The following TTC29 variants were observed in gnomAD, a reference collection of about 807,000 sequenced individuals.
TTC29 encodes the protein tetratricopeptide repeat domain 29.
In TTC29, 49 loss-of-function variants were observed where a neutral mutation model predicts 58.1. That is an observed-to-expected ratio of 0.84 (90% CI 0.67 to 1.07). The LOEUF is 1.07. Among genes scored for constraint, TTC29 ranks in the 50% least tolerant of loss-of-function variants. The pLI is 0.00. For synonymous variants in TTC29, 209 were observed against 196.8 expected (o/e 1.06, Z -0.52); for missense variants, 582 against 555.6 (o/e 1.05, Z -0.48).
intron 11 of TTC29, among the ~76,000 whole-genome samples, chr4:146,740,333 A>G (rs1371992757): frequency 1.3e-5 from 2 of 152,212 alleles, no homozygotes; most frequent in Non-Finnish European, 2.9e-5. Flanking sequence ...ATTGTAGCTC[A>G]AGGGTAACAA....
chr4:146,802,008 A>AAAAAAG (rs1561138307), intron 11 of TTC29, among the ~76,000 whole-genome samples: 2 of 143,340 alleles, frequency 1.4e-5, no homozygotes, highest in Admixed American at 7.0e-5. Flanking sequence ...AAAAAAAAAA[A>AAAAAAG]AGAGACTTTT....
At chr4:146,808,340 T>TAGGAC (rs1400215691) in intron 10 of TTC29, among the ~76,000 whole-genome samples, 1 of 152,190 alleles carries the variant, frequency 6.6e-6, no homozygotes, top group Non-Finnish European at 1.5e-5. Flanking sequence ...AAGAGAAGGA[T>TAGGAC]GTCCTCTCTC....
chr4:146,711,487 A>C (rs2149991192), intron 11 of TTC29, among the ~76,000 whole-genome samples: 1 of 152,284 alleles, frequency 6.6e-6, no homozygotes, highest in African/African-American at 2.4e-5. Flanking sequence ...CATTGTCAAA[A>C]AGTTGATCAC....
chr4:146,906,010 A>T lies in TTC29; in HGVS notation c.401-2281T>A, dbSNP rs569535587. Among the ~76,000 whole-genome samples, 31 of 152,296 alleles carry T rather than the reference A, an allele frequency of 2.0e-4. No individual in the cohort carries two copies. In the South Asian group the frequency reaches 2.9e-3, roughly 14 times the overall value. On this transcript the variant is annotated intron_variant, in intron 5 of 12. Transcript: ENST00000325106. The stretch of plus-strand genomic sequence containing the variant: ...AAAATTGCTGCTCAACCCTTAATAA[A>T]TTTAAAAGTCAAGTGTAAATAATGT...
intron 11 of TTC29, among the ~76,000 whole-genome samples, chr4:146,719,189 G>GGGGT (rs377566324): frequency 1.8e-3 from 257 of 144,182 alleles, no homozygotes; most frequent in African/African-American, 1.4e-3. Context: ...TGGCTATTGG[G>GGGGT]GTGTGTGTGT....
intron 11 of TTC29, among the ~76,000 whole-genome samples, chr4:146,731,830 T>C (rs762866045): frequency 1.3e-5 from 2 of 152,116 alleles, no homozygotes; most frequent in Non-Finnish European, 1.5e-5. Context: ...AAAGTTAAGG[T>C]TGGCATTCCT....
At chr4:146,801,820 C>CA (rs896111826) in intron 11 of TTC29, among the ~76,000 whole-genome samples, 12 of 150,508 alleles carry the variant, frequency 8.0e-5, no homozygotes, top group East Asian at 3.9e-4. Context: ...ACTAAAAATA[C>CA]AAAAAAAATT....
intron 11 of TTC29, among the ~76,000 whole-genome samples, chr4:146,714,612 A>AT (rs1007263282): frequency 3.9e-5 from 6 of 151,932 alleles, no homozygotes; most frequent in African/African-American, 1.4e-4. Flanking sequence ...AAAAAAAAAA[A>AT]CCTATAAAAT....
chr4:146,909,014 C>A lies in TTC29; in HGVS notation c.400+12G>T. 1 of 1,611,710 alleles carries A rather than the reference C, an allele frequency of 6.2e-7. No homozygotes were observed. The highest frequency in any genetic ancestry group is 8.5e-7 in the Non-Finnish European group (1 of 1,178,298). Reference sequence around the variant, plus strand: ...GCTCCTTCTGTGCTCTGCCCACAGTCCCACCACTTACCTTTCCTCTCAGCG... The same window carrying A: ...GCTCCTTCTGTGCTCTGCCCACAGTACCACCACTTACCTTTCCTCTCAGCG... On this transcript the variant is annotated intron_variant, in intron 5 of 12. Coordinates refer to ENST00000325106, the MANE Select transcript of TTC29 (RefSeq NM_031956.4).
chr4:146,803,370 G>T, intron 11 of TTC29, 87 bp downstream of exon 11: 1 of 960,364 alleles, frequency 1.0e-6, no homozygotes, highest in Non-Finnish European at 1.5e-6. Flanking sequence ...TAAAATCACC[G>T]ACATTTGAGT....
At chr4:146,882,962 G>T (rs1254174903) in intron 6 of TTC29, among the ~76,000 whole-genome samples, 1 of 151,970 alleles carries the variant, frequency 6.6e-6, no homozygotes, top group Non-Finnish European at 1.5e-5. Flanking sequence ...CTGTGTGTGT[G>T]CACATGTGTG....
chr4:146,890,044 A>G (rs1250273506), intron 6 of TTC29, among the ~76,000 whole-genome samples: 2 of 152,086 alleles, frequency 1.3e-5, no homozygotes, highest in Non-Finnish European at 2.9e-5. Flanking sequence ...CTGAAATAAC[A>G]TCTTTGGTTA....
At chr4:146,730,090 T>C (rs1744215990) in intron 11 of TTC29, among the ~76,000 whole-genome samples, 1 of 152,124 alleles carries the variant, frequency 6.6e-6, no homozygotes, top group Admixed American at 6.6e-5. Context: ...AGGGTTTTCA[T>C]TGGATTTTCC....
chr4:146,898,599 G>A (rs879151497), intron 6 of TTC29, among the ~76,000 whole-genome samples: 7 of 152,166 alleles, frequency 4.6e-5, no homozygotes, highest in Non-Finnish European at 7.3e-5. Context: ...CACTTTCTAC[G>A]TTGTTCTTAC....
chr4:146,912,698 C>T (rs1169493333), intron 4 of TTC29, among the ~76,000 whole-genome samples: 5 of 151,994 alleles, frequency 3.3e-5, no homozygotes, highest in African/African-American at 4.8e-5. Context: ...GTCAGAAATT[C>T]ACACCTGATC....
At chr4:146,844,254 T>A (rs891312091) in intron 8 of TTC29, among the ~76,000 whole-genome samples, 7 of 152,140 alleles carry the variant, frequency 4.6e-5, no homozygotes, top group African/African-American at 1.7e-4. Context: ...CTCTGAAACC[T>A]CAAAGTAATG....
intron 8 of TTC29, among the ~76,000 whole-genome samples, chr4:146,845,643 A>G (rs1729114925): frequency 6.6e-6 from 1 of 152,222 alleles, no homozygotes; most frequent in African/African-American, 2.4e-5. Flanking sequence ...GTCAATATCT[A>G]CAACTAGATT....
intron 4 of TTC29, among the ~76,000 whole-genome samples, chr4:146,928,269 A>G (rs999778541): frequency 5.9e-5 from 9 of 152,186 alleles, no homozygotes; most frequent in South Asian, 2.1e-4. Flanking sequence ...CAGCTCTTCT[A>G]CTTATTATGT....
intron 11 of TTC29, among the ~76,000 whole-genome samples, chr4:146,727,981 T>C (rs577549632): frequency 6.6e-5 from 10 of 152,114 alleles, no homozygotes; most frequent in Non-Finnish European, 1.2e-4. Flanking sequence ...CATTCATTGC[T>C]AACTGGAATA....
Sources: gnomAD v4.1 joint callset for allele counts (sites outside exome capture counted in the v4.1 genomes callset) on GRCh38, gnomAD v4.1.1 for gene constraint, MANE v1.5 for transcripts, NCBI Gene and HGNC (gene_info 2026-07-23, HGNC 2026-07-21) for gene names.